The following AKR1D1 variants were observed in gnomAD, a reference collection of about 807,000 sequenced individuals.
AKR1D1 encodes aldo-keto reductase family 1 member D1.
A neutral mutation model predicts 42.6 loss-of-function variants in AKR1D1; 32 were observed. The ratio of observed to expected loss-of-function variants is 0.75; its 90% CI spans 0.57 to 1.01. The LOEUF (loss-of-function observed/expected upper bound fraction) is 1.01, where lower values mean the gene tolerates loss of function less well. AKR1D1 is among the 50% of genes least tolerant of loss of function. AKR1D1 has a pLI of 0.00. For synonymous variants in AKR1D1, 123 were observed against 135.5 expected (o/e 0.91, Z 0.64); for missense variants, 364 against 402.2 (o/e 0.91, Z 0.81).
At chr7:138,095,523 GT>G (rs1794166986) in intron 3 of AKR1D1, among the ~76,000 whole-genome samples, 1 of 151,980 alleles carries the variant, frequency 6.6e-6, no homozygotes, top group South Asian at 2.1e-4. Context: ...TTTTTGTTTT[GT>G]TTTGTTTTGT....
intron 7 of AKR1D1, among the ~76,000 whole-genome samples, chr7:138,109,289 C>G (rs976019003): frequency 2.6e-5 from 4 of 152,108 alleles, no homozygotes; most frequent in African/African-American, 7.2e-5. Flanking sequence ...CTGGAAAGTC[C>G]ATGAGTAGAT....
intron 8 of AKR1D1, among the ~76,000 whole-genome samples, chr7:138,114,674 A>AC (rs957235265): frequency 6.6e-6 from 1 of 151,592 alleles, no homozygotes; most frequent in Non-Finnish European, 1.5e-5. Context: ...AAAAAAAAAA[A>AC]AAAAAGAATA....
intron 1 of AKR1D1, among the ~76,000 whole-genome samples, chr7:138,085,056 A>G (rs1022837970): frequency 1.3e-5 from 2 of 148,494 alleles, no homozygotes; most frequent in African/African-American, 5.0e-5. Context: ...CTCCGTCTCA[A>G]AAAAAAAAAA....
intron 8 of AKR1D1, among the ~76,000 whole-genome samples, chr7:138,114,450 G>A (rs1412830421): frequency 1.3e-5 from 2 of 151,890 alleles, no homozygotes; most frequent in African/African-American, 2.4e-5. Flanking sequence ...ACCTTAGGTC[G>A]GGAGTTAGAG....
chr7:138,095,200 G>C (rs1444205567), intron 3 of AKR1D1, among the ~76,000 whole-genome samples: 1 of 152,194 alleles, frequency 6.6e-6, no homozygotes, highest in African/African-American at 2.4e-5. Context: ...TCACGTAACA[G>C]AATTCATGAT....
chr7:138,088,562 T>C, intron 1 of AKR1D1, 39 bp from the exon 2 acceptor site: 2 of 1,607,682 alleles, frequency 1.2e-6, no homozygotes, highest in African/African-American at 1.3e-5. Flanking sequence ...GGAAAGACCA[T>C]TTCTCTTTTC....
intron 4 of AKR1D1, among the ~76,000 whole-genome samples, chr7:138,100,529 A>T (rs1794279471): frequency 6.6e-6 from 1 of 152,106 alleles, no homozygotes; most frequent in African/African-American, 2.4e-5. Context: ...ATATCAACAA[A>T]TACTTCAGAG....
At position 138,107,544 on chromosome 7, in the gene AKR1D1, A is replaced by G. The variant is rs372773066; in HGVS notation, c.819A>G (p.Lys273=). ...AGCGAGGGGTGGTTGTCATTCCTAA[A>G]AGCTTTAATCTTGAAAGGATCAAAG... is the stretch of plus-strand genomic sequence containing the variant. ...NIQRGVVVIP[K]SFNLERIKEN... is the part of the protein sequence containing the mutation. Residue 273 remains lysine, a synonymous_variant, in exon 7 of 9, where the codon AAA becomes AAG. Coordinates refer to ENST00000242375, the MANE Select transcript of AKR1D1 (RefSeq NM_005989.4). 1 of 1,613,954 alleles carries G rather than the reference A, an allele frequency of 6.2e-7. No homozygotes were observed. The highest frequency in any genetic ancestry group is 1.3e-5 in the African/African-American group (1 of 74,924).
chr7:138,079,325 C>T (rs1803005414), intron 1 of AKR1D1, among the ~76,000 whole-genome samples: 1 of 152,196 alleles, frequency 6.6e-6, no homozygotes, highest in South Asian at 2.1e-4. Context: ...AGGCAGAAAG[C>T]ATAAATGAGT....
chr7:138,110,614 A>G (rs1342496449), intron 7 of AKR1D1, among the ~76,000 whole-genome samples: 1 of 151,924 alleles, frequency 6.6e-6, no homozygotes. Flanking sequence ...TTAGCCGGGC[A>G]TGGTCATGGG....
chr7:138,105,519 C>G (rs1407887010), intron 5 of AKR1D1, 90 bp downstream of exon 5: 46 of 1,547,136 alleles, frequency 3.0e-5, no homozygotes, highest in Non-Finnish European at 3.8e-5. Context: ...CAGGAAGGCT[C>G]ATGATTGCTC....
At chr7:138,083,435 C>T (rs909190993) in intron 1 of AKR1D1, among the ~76,000 whole-genome samples, 8 of 151,834 alleles carry the variant, frequency 5.3e-5, no homozygotes, top group Non-Finnish European at 1.2e-4. Flanking sequence ...TTTGTTTTTG[C>T]TTCTTTGCTA....
At chr7:138,111,026 G>A (rs181529981) in intron 7 of AKR1D1, among the ~76,000 whole-genome samples, 81 of 152,086 alleles carry the variant, frequency 5.3e-4, no homozygotes, top group East Asian at 4.5e-3. Flanking sequence ...ACCCTTATCC[G>A]ACAGCTCTTT....
At chr7:138,096,576 A>C (rs1398418454) in intron 3 of AKR1D1, among the ~76,000 whole-genome samples, 17 of 152,252 alleles carry the variant, frequency 1.1e-4, no homozygotes. Flanking sequence ...TTTAAACCAC[A>C]GCAATTCCCA....
At chr7:138,116,137 G>A (rs1456122589) in intron 8 of AKR1D1, among the ~76,000 whole-genome samples, 1 of 152,060 alleles carries the variant, frequency 6.6e-6, no homozygotes, top group Non-Finnish European at 1.5e-5. Context: ...CTATGATCAT[G>A]CCACTGCACT....
At chr7:138,089,284 A>G (rs73451403) in intron 2 of AKR1D1, among the ~76,000 whole-genome samples, 9,796 of 151,976 alleles carry the variant, frequency 0.064, 1,058 homozygotes, top group African/African-American at 0.22. Context: ...CAGGGAGGTC[A>G]AAGCTGCAAT....
At chr7:138,097,737 A>G in intron 3 of AKR1D1, 129 bp from the exon 4 acceptor site, 2 of 814,452 alleles carry the variant, frequency 2.5e-6, no homozygotes, top group Non-Finnish European at 3.9e-6. Context: ...AATACTTTAG[A>G]CTGGGTGATT....
intron 1 of AKR1D1, among the ~76,000 whole-genome samples, chr7:138,080,138 T>G (rs1745574107): frequency 6.6e-6 from 1 of 152,216 alleles, no homozygotes; most frequent in Non-Finnish European, 1.5e-5. Context: ...GAGGGCGCCT[T>G]TTGGGTACTG....
chr7:138,076,543 C>T lies in AKR1D1; in HGVS notation c.25C>T (p.Arg9Cys), dbSNP rs759374141. The change falls in exon 1 of 9, where the codon CGC becomes TGC. Residue 9 changes from arginine (R) to cysteine (C), a missense_variant. Physicochemically the swap from Arg to Cys is radical, Grantham distance 180. Transcript: ENST00000242375. MDLSAASH[R>C]IPLSDGNSIP... ...AATGGATCTCAGTGCTGCAAGTCACCGCATACCTCTAAGTGATGGAAACAG... is the reference window on the plus strand; with the variant it reads ...AATGGATCTCAGTGCTGCAAGTCACTGCATACCTCTAAGTGATGGAAACAG... The T allele has an allele frequency of 3.5e-5, 57 of 1,613,340 alleles. 1 individual carries two copies. Among genetic ancestry groups the T allele is most frequent in the South Asian group, 1.2e-4 (11 of 91,058 alleles).
Sources: allele counts gnomAD v4.1 joint callset (sites outside exome capture counted in the v4.1 genomes callset), GRCh38; gene constraint gnomAD v4.1.1; transcripts MANE v1.5; gene names NCBI Gene and HGNC (gene_info 2026-07-23, HGNC 2026-07-21).